The following BABAM2 variants were observed in gnomAD, a reference collection of about 807,000 sequenced individuals.
BABAM2 encodes BRISC and BRCA1 A complex member 2.
BABAM2 carries 31 observed loss-of-function variants against 54.7 expected under a neutral mutation model. That is an observed-to-expected ratio of 0.57 (90% CI 0.43 to 0.77). The LOEUF (loss-of-function observed/expected upper bound fraction) is 0.77. BABAM2 is among the 30% of genes least tolerant of loss of function. The probability of loss-of-function intolerance (pLI) is 0.00; values close to 1 mark genes in which losing one functional copy is unlikely to be tolerated. For synonymous variants in BABAM2, 167 were observed against 162.9 expected, an observed-to-expected ratio of 1.03 and a Z score of -0.19; for missense variants, 364 against 455.8, an observed-to-expected ratio of 0.80 and a Z score of 1.83.
At chr2:28,064,696 A>G (rs913086647) in intron 6 of BABAM2, among the ~76,000 whole-genome samples, 1 of 152,160 alleles carries the variant, frequency 6.6e-6, no homozygotes, top group Non-Finnish European at 1.5e-5. Context: ...GCAATCCATA[A>G]TTGCAGTAAA....
chr2:28,232,437 A>G (rs1681497138), intron 7 of BABAM2, among the ~76,000 whole-genome samples: 1 of 152,214 alleles, frequency 6.6e-6, no homozygotes, highest in Non-Finnish European at 1.5e-5. Flanking sequence ...TAAGTCTTCA[A>G]TACAGTCATG....
chr2:27,960,477 A>C (rs1008121927), intron 3 of BABAM2, among the ~76,000 whole-genome samples: 1 of 151,808 alleles, frequency 6.6e-6, no homozygotes, highest in South Asian at 2.1e-4. Context: ...CCCAGCTAGC[A>C]TTCTGTGGTT....
At chr2:28,116,422 T>A in intron 6 of BABAM2, among the ~76,000 whole-genome samples, 1 of 152,220 alleles carries the variant, frequency 6.6e-6, no homozygotes, top group East Asian at 1.9e-4. Context: ...TTTGTGATGG[T>A]CTCCAGTTAA....
Position 28,040,836 on chromosome 2 carries a change from C to G in BABAM2, c.496-4889C>G, listed in dbSNP as rs114017297. On this transcript the variant is annotated intron_variant, in intron 5 of 11. Coordinates refer to ENST00000379624, the MANE Select transcript of BABAM2 (RefSeq NM_199191.3). ...TGATAAACAAAAATTTATATTAGTC[C>G]TGGGACCAACATTTCTTTCAGTATG... Among the ~76,000 whole-genome samples the G allele has an allele frequency of 2.4e-3, 358 of 152,198 alleles. 1 individual carries two copies. The highest frequency in any genetic ancestry group is 8.2e-3 in the African/African-American group (341 of 41,532).
At chr2:28,080,087 C>G (rs1161455591) in intron 6 of BABAM2, among the ~76,000 whole-genome samples, 1 of 152,068 alleles carries the variant, frequency 6.6e-6, no homozygotes, top group Non-Finnish European at 1.5e-5. Context: ...TCCTTCTATA[C>G]AAAGAATAAT....
intron 10 of BABAM2, among the ~76,000 whole-genome samples, chr2:28,287,829 A>G (rs1225174361): frequency 6.6e-6 from 1 of 152,214 alleles, no homozygotes; most frequent in East Asian, 1.9e-4. Flanking sequence ...CATAGCAGGC[A>G]GGAGGTGCAG....
chr2:28,086,644 T>C (rs899416895), intron 6 of BABAM2, among the ~76,000 whole-genome samples: 1 of 152,250 alleles, frequency 6.6e-6, no homozygotes, highest in African/African-American at 2.4e-5. Context: ...TCTAGTCTTA[T>C]GATTCTTTTA....
intron 10 of BABAM2, among the ~76,000 whole-genome samples, chr2:28,247,343 T>C (rs72784738): frequency 0.13 from 19,670 of 152,212 alleles, 1,524 homozygotes; most frequent in African/African-American, 0.21. Flanking sequence ...ATTTCCTTTT[T>C]TCTTATCTAA....
chr2:27,909,675 C>G (rs1413434067), intron 2 of BABAM2, among the ~76,000 whole-genome samples: 1 of 152,196 alleles, frequency 6.6e-6, no homozygotes, highest in African/African-American at 2.4e-5. Flanking sequence ...TCAGAAAAGG[C>G]TCTGGTGAAA....
At chr2:27,931,593 G>GTTGGT (rs1668100600) in intron 3 of BABAM2, among the ~76,000 whole-genome samples, 3 of 151,934 alleles carry the variant, frequency 2.0e-5, no homozygotes, top group Non-Finnish European at 2.9e-5. Context: ...TGGTTACCCT[G>GTTGGT]TAGCTTAAAA....
chr2:28,153,054 A>G (rs1558387832), intron 7 of BABAM2, among the ~76,000 whole-genome samples: 3 of 152,158 alleles, frequency 2.0e-5, no homozygotes, highest in African/African-American at 7.2e-5. Flanking sequence ...GAGCAGTTTT[A>G]TGTGTTATTC....
chr2:27,907,094 T>C (rs1352037180), intron 2 of BABAM2, among the ~76,000 whole-genome samples: 1 of 152,184 alleles, frequency 6.6e-6, no homozygotes, highest in South Asian at 2.1e-4. Context: ...GTTACTTGAA[T>C]AGTTTTATTT....
chr2:28,072,254 C>A (rs1354580078), intron 6 of BABAM2, among the ~76,000 whole-genome samples: 3 of 151,428 alleles, frequency 2.0e-5, no homozygotes, highest in Non-Finnish European at 4.4e-5. Flanking sequence ...CTTACTGCAA[C>A]CTTCGCCTCC....
intron 7 of BABAM2, among the ~76,000 whole-genome samples, chr2:28,187,016 A>G (rs1015039376): frequency 7.9e-5 from 12 of 152,192 alleles, no homozygotes; most frequent in Admixed American, 7.9e-4. Flanking sequence ...CGTGTTAGCT[A>G]GGATGGTCTC....
intron 7 of BABAM2, among the ~76,000 whole-genome samples, chr2:28,132,737 A>G (rs1015565995): frequency 1.3e-5 from 2 of 152,180 alleles, no homozygotes; most frequent in African/African-American, 4.8e-5. Flanking sequence ...AGCTCTTTGT[A>G]ACACTGAATT....
intron 4 of BABAM2, among the ~76,000 whole-genome samples, chr2:28,000,053 G>T (rs1673471560): frequency 6.6e-6 from 1 of 152,088 alleles, no homozygotes; most frequent in African/African-American, 2.4e-5. Context: ...GTTCCTAAGT[G>T]CCCCACATTC....
chr2:27,987,378 T>C (rs1672473622), intron 3 of BABAM2, among the ~76,000 whole-genome samples: 1 of 152,186 alleles, frequency 6.6e-6, no homozygotes, highest in Non-Finnish European at 1.5e-5. Context: ...TAGCAGGCAG[T>C]GATTGGACAG....
At chr2:28,015,789 C>T in intron 4 of BABAM2, 2 of 1,061,630 alleles carry the variant, frequency 1.9e-6, no homozygotes, top group Non-Finnish European at 2.5e-6. Flanking sequence ...TCTTTTTCTT[C>T]TTCCACTGTT....
intron 7 of BABAM2, among the ~76,000 whole-genome samples, chr2:28,220,312 A>T (rs546892683): frequency 8.5e-5 from 13 of 152,306 alleles, no homozygotes; most frequent in African/African-American, 2.6e-4. Flanking sequence ...TATCAACCTT[A>T]CAGGGCTTTT....
Sources: allele counts gnomAD v4.1 joint callset (sites outside exome capture counted in the v4.1 genomes callset), GRCh38; gene constraint gnomAD v4.1.1; transcripts MANE v1.5; gene names NCBI Gene and HGNC (gene_info 2026-07-23, HGNC 2026-07-21).